The following DPYD variants were observed in gnomAD, a reference collection of about 807,000 sequenced individuals.
The protein encoded by DPYD is dihydropyrimidine dehydrogenase.
In DPYD, 109 loss-of-function variants were observed where a neutral mutation model predicts 116.2. That is an observed-to-expected ratio of 0.94 (90% CI 0.80 to 1.10). The LOEUF (loss-of-function observed/expected upper bound fraction) is 1.10, where lower values mean the gene tolerates loss of function less well. Among genes scored for constraint, DPYD ranks in the 50% least tolerant of loss-of-function variants. The pLI is 0.00. For synonymous variants in DPYD, 440 were observed against 432.0 expected (o/e 1.02, Z -0.23); for missense variants, 1,302 against 1,254.5 (o/e 1.04, Z -0.57).
Position 97,581,309 on chromosome 1 carries a change from A to G in DPYD, c.1129-7339T>C, listed in dbSNP as rs530167632. On this transcript the variant is annotated intron_variant, in intron 10 of 22. Coordinates refer to ENST00000370192, the MANE Select transcript of DPYD (RefSeq NM_000110.4). ...ACCACTGCACTCCAGCCTGGGCGAC[A>G]GAGCGAGACTCAGTCTCAAAAAAAA... Among the ~76,000 whole-genome samples, 15 of 125,212 alleles carry G rather than the reference A, an allele frequency of 1.2e-4. No homozygotes were observed. In the East Asian group the frequency reaches 1.9e-3, roughly 16 times the overall value. The allele number at this position is 125,212 out of a possible 152,430, so 82.1% of individuals were successfully genotyped here. A position where few individuals can be genotyped will look rare whatever the true frequency, so the allele number is the denominator to read the frequency against.
chr1:97,635,750 T>A (rs1421313697), intron 8 of DPYD, among the ~76,000 whole-genome samples: 2 of 152,172 alleles, frequency 1.3e-5, no homozygotes, highest in Non-Finnish European at 2.9e-5. Flanking sequence ...ACTCATTATG[T>A]CTAAAGTTGA....
intron 5 of DPYD, among the ~76,000 whole-genome samples, chr1:97,702,762 C>T (rs1661671325): frequency 6.6e-6 from 1 of 151,708 alleles, no homozygotes. Flanking sequence ...AATAAAGTAG[C>T]AATTACCAAA....
At chr1:97,492,571 T>C (rs554484724) in intron 13 of DPYD, among the ~76,000 whole-genome samples, 1 of 152,300 alleles carries the variant, frequency 6.6e-6, no homozygotes, top group South Asian at 2.1e-4. Context: ...ATCTTTTCCA[T>C]TATTTTAAAA....
At chr1:97,117,860 A>C (rs905621448) in intron 20 of DPYD, among the ~76,000 whole-genome samples, 2 of 152,264 alleles carry the variant, frequency 1.3e-5, no homozygotes, top group African/African-American at 4.8e-5. Flanking sequence ...TTTAATAATA[A>C]ATTTTAAAAT....
chr1:97,678,862 T>C (rs1660288138), intron 8 of DPYD, among the ~76,000 whole-genome samples: 1 of 152,134 alleles, frequency 6.6e-6, no homozygotes, highest in South Asian at 2.1e-4. Flanking sequence ...GATGGTGTGG[T>C]GAAAGAATGG....
intron 4 of DPYD, among the ~76,000 whole-genome samples, chr1:97,733,542 C>T (rs558463378): frequency 1.3e-5 from 2 of 151,998 alleles, no homozygotes; most frequent in Middle Eastern, 6.9e-3. Flanking sequence ...ATATAAAATG[C>T]AATTTTAAGA....
At chr1:97,732,244 A>G (rs536824533) in intron 4 of DPYD, among the ~76,000 whole-genome samples, 1 of 152,228 alleles carries the variant, frequency 6.6e-6, no homozygotes, top group South Asian at 2.1e-4. Context: ...TGGGAGGCCG[A>G]GGCAGGTGGA....
At chr1:97,646,510 G>A (rs150964156) in intron 8 of DPYD, among the ~76,000 whole-genome samples, 107 of 151,836 alleles carry the variant, frequency 7.0e-4, no homozygotes, top group Non-Finnish European at 1.3e-3. Flanking sequence ...TGAGGCTTAT[G>A]CTTTATGGTT....
At chr1:97,435,208 T>A (rs1675404089) in intron 14 of DPYD, among the ~76,000 whole-genome samples, 1 of 151,950 alleles carries the variant, frequency 6.6e-6, no homozygotes. Context: ...TTGAAGAAAC[T>A]GGTAGAAATA....
At chr1:97,470,161 A>G (rs765010385) in intron 13 of DPYD, among the ~76,000 whole-genome samples, 12 of 152,102 alleles carry the variant, frequency 7.9e-5, no homozygotes, top group Non-Finnish European at 1.5e-4. Context: ...CATTTTTTTG[A>G]TATGATGGGG....
At chr1:97,181,885 C>CT (rs1000916050) in intron 20 of DPYD, among the ~76,000 whole-genome samples, 1 of 152,084 alleles carries the variant, frequency 6.6e-6, no homozygotes, top group Non-Finnish European at 1.5e-5. Context: ...GAGGATTTCT[C>CT]TTTTTTATCA....
rs139317238 is a variant in DPYD, at chr1:97,527,073, C to T, written c.1525-11132G>A. 2.2e-3 allele frequency among the ~76,000 whole-genome samples: 328 copies of T among 151,810 alleles called. 2 individuals carry two copies. Among genetic ancestry groups the T allele is most frequent in the African/African-American group, 7.7e-3 (317 of 41,386 alleles). On this transcript the variant is annotated intron_variant, in intron 12 of 22. Transcript: ENST00000370192. ...CTACATTATATCAAACTGCCCCCAA[C>T]CTTTTTTTTTTTTCTTTTTTTTTGA...
chr1:97,305,528 A>T, intron 17 of DPYD, 150 bp from the exon 18 acceptor site: 1 of 1,042,978 alleles, frequency 9.6e-7, no homozygotes, highest in Non-Finnish European at 1.4e-6. Context: ...TAACTCCTAC[A>T]TTTATGTTTA....
At chr1:97,302,168 TC>T (rs1481290262) in intron 18 of DPYD, among the ~76,000 whole-genome samples, 8 of 151,928 alleles carry the variant, frequency 5.3e-5, no homozygotes. Context: ...AAAGGAAAGG[TC>T]GTAACAACTT....
chr1:97,654,138 C>G (rs905183607), intron 8 of DPYD, among the ~76,000 whole-genome samples: 1 of 152,122 alleles, frequency 6.6e-6, no homozygotes, highest in African/African-American at 2.4e-5. Flanking sequence ...TTGCACAGGG[C>G]CAAATAGATT....
At chr1:97,754,747 C>A (rs1156540546) in intron 3 of DPYD, among the ~76,000 whole-genome samples, 1 of 152,112 alleles carries the variant, frequency 6.6e-6, no homozygotes, top group Non-Finnish European at 1.5e-5. Flanking sequence ...AATAAATGCC[C>A]ATCCTCAGAT....
intron 10 of DPYD, among the ~76,000 whole-genome samples, chr1:97,584,847 C>A (rs1345101603): frequency 1.3e-5 from 2 of 149,528 alleles, no homozygotes; most frequent in Admixed American, 1.3e-4. Context: ...ATACCTAATG[C>A]TAAATGACAA....
intron 7 of DPYD, among the ~76,000 whole-genome samples, chr1:97,689,985 T>G (rs1660930193): frequency 6.6e-6 from 1 of 152,020 alleles, no homozygotes; most frequent in Non-Finnish European, 1.5e-5. Flanking sequence ...TTAGGTTCCA[T>G]TTTTTTTCCT....
In DPYD at chr1:97,133,537, C is replaced by T. The variant is rs57536634; in HGVS notation, c.2623-34905G>A. ...TTGTTTTTATATCTAACTATCTAAT[C>T]CTTTGAAATTTGTTTTGGTATATGG... On this transcript the variant is annotated intron_variant, in intron 20 of 22. Transcript: ENST00000370192. Among the ~76,000 whole-genome samples, 1,442 of 152,100 alleles carry T rather than the reference C, an allele frequency of 9.5e-3. 21 individuals carry two copies. Among genetic ancestry groups the T allele is most frequent in the African/African-American group, 0.033 (1,364 of 41,488 alleles).
Sources: allele counts gnomAD v4.1 joint callset (sites outside exome capture counted in the v4.1 genomes callset), GRCh38; gene constraint gnomAD v4.1.1; transcripts MANE v1.5; gene names NCBI Gene and HGNC (gene_info 2026-07-23, HGNC 2026-07-21).